PHKB: variants seen among roughly 807,000 people sequenced by gnomAD.
PHKB encodes the protein phosphorylase kinase regulatory subunit beta, also known as phosphorylase b kinase regulatory subunit beta.
PHKB carries 122 observed loss-of-function variants against 152.1 expected under a neutral mutation model. The ratio of observed to expected loss-of-function variants is 0.80; its 90% confidence interval spans 0.69 to 0.93. PHKB has a LOEUF of 0.93. Ranked by LOEUF, PHKB falls within the 40% of genes least tolerant of loss-of-function variation. PHKB has a pLI of 0.00. For missense variants in PHKB, 1,304 were observed against 1,328.4 expected, an observed-to-expected ratio of 0.98 and a Z score of 0.29; for synonymous variants, 436 against 464.9, an observed-to-expected ratio of 0.94 and a Z score of 0.80.
At chr16:47,483,586 T>G (rs911642702) in intron 1 of PHKB, among the ~76,000 whole-genome samples, 6 of 152,248 alleles carry the variant, frequency 3.9e-5, no homozygotes, top group African/African-American at 1.4e-4. Context: ...ATACGTTTAT[T>G]CTAGTGGTGC....
At chr16:47,685,918 T>G (rs1973957489) in intron 26 of PHKB, among the ~76,000 whole-genome samples, 1 of 152,068 alleles carries the variant, frequency 6.6e-6, no homozygotes, top group Non-Finnish European at 1.5e-5. Context: ...ATTTTTTGTA[T>G]TTTTAGTGGA....
intron 20 of PHKB, among the ~76,000 whole-genome samples, chr16:47,658,811 T>G (rs995695067): frequency 1.0e-4 from 13 of 127,642 alleles, no homozygotes; most frequent in African/African-American, 4.3e-4. Context: ...TGCATGACAG[T>G]GTGTGTGTGT....
chr16:47,502,266 A>G (rs891783598), intron 3 of PHKB, among the ~76,000 whole-genome samples: 3 of 152,154 alleles, frequency 2.0e-5, no homozygotes, highest in African/African-American at 7.2e-5. Context: ...ACTGATTTAT[A>G]ATAAAAAGCA....
rs1212781943 is a variant in PHKB at position 47,639,452 on chromosome 16, G to A, written c.1459-1583G>A. On this transcript the variant is annotated intron_variant, in intron 14 of 30. Transcript: ENST00000323584. ...TGGGGCAAAAGGTCCCACTTGGGCT[G>A]GAGTTGTAAGTCCAAGCTCGTTGTG... is the stretch of plus-strand genomic sequence containing the variant. 3.9e-5 allele frequency among the ~76,000 whole-genome samples: 6 copies of A among 152,296 alleles called. No homozygotes were observed. In the East Asian group the frequency reaches 1.2e-3, roughly 29 times the overall value.
rs768125861 is a variant in PHKB, at chr16:47,650,856, G to T, written c.1906G>T (p.Asp636Tyr). ...AGGTAGCCGGTTCAACCCCATATTA[G>T]ATATGCTGGCAGCCCTTAAAAAAGG... ...IRGSRFNPIL[D>Y]MLAALKKGII... The change falls in exon 20 of 31, where the codon GAT becomes TAT. Residue 636 changes from aspartate to tyrosine, a missense_variant. Physicochemically the swap from Asp to Tyr is radical, Grantham distance 160. Transcript: ENST00000323584. 1 of 1,613,440 alleles carries T rather than the reference G, an allele frequency of 6.2e-7. No homozygotes were observed. The highest frequency in any genetic ancestry group is 8.5e-7 in the Non-Finnish European group (1 of 1,179,512).
intron 7 of PHKB, chr16:47,565,690 G>T: frequency 7.2e-7 from 1 of 1,386,278 alleles, no homozygotes; most frequent in Non-Finnish European, 1.0e-6. Context: ...TCTTCACTTT[G>T]CCAGTTTGGG....
At position 47,499,752 on chromosome 16, in the gene PHKB, G is replaced by T; in HGVS notation, c.167-4G>T. On this transcript the variant is annotated splice_polypyrimidine_tract_variant and splice_region_variant and intron_variant, in intron 2 of 30. Coordinates refer to ENST00000323584, the MANE Select transcript of PHKB (RefSeq NM_000293.3). ...TTCATTCTTTGTCTTGTCCTCAATTGCAGTCAAGTCAACATTGCTGCTGTA... is the reference window on the plus strand; with the variant it reads ...TTCATTCTTTGTCTTGTCCTCAATTTCAGTCAAGTCAACATTGCTGCTGTA... The T allele has an allele frequency of 6.2e-7, 1 of 1,614,072 alleles. No individual in the cohort carries two copies. Among genetic ancestry groups the T allele is most frequent in the Admixed American group, 1.7e-5 (1 of 60,016 alleles).
chr16:47,651,121 G>A (rs1186340398), intron 20 of PHKB, among the ~76,000 whole-genome samples, 200 bp downstream of exon 20: 3 of 152,116 alleles, frequency 2.0e-5, no homozygotes, highest in African/African-American at 7.2e-5. Context: ...AATTTCCTGT[G>A]CAGAATTTTA....
At chr16:47,644,089 T>C (rs1240762114) in intron 16 of PHKB, among the ~76,000 whole-genome samples, 1 of 152,098 alleles carries the variant, frequency 6.6e-6, no homozygotes, top group Non-Finnish European at 1.5e-5. Flanking sequence ...GAGAATCCTT[T>C]TACTGTAATA....
intron 28 of PHKB, among the ~76,000 whole-genome samples, chr16:47,694,884 ACATGTAGTATC>A (rs1974121871): frequency 6.6e-6 from 1 of 152,224 alleles, no homozygotes; most frequent in African/African-American, 2.4e-5. Context: ...GGGCCACTTA[ACATGTAGTATC>A]CTTGCTTTGC....
rs963396583 is a variant in PHKB at position 47,570,683 on chromosome 16, A to AT, written c.711-9602dup. ...CTAGAAAATTTCATTCATATCCTGT[A>AT]TTTTTTTTTTATTTCTTTATATTGG... On this transcript the variant is annotated intron_variant, in intron 7 of 30. Coordinates refer to ENST00000323584, the MANE Select transcript of PHKB (RefSeq NM_000293.3). Among the ~76,000 whole-genome samples the AT allele has an allele frequency of 2.3e-3, 335 of 142,586 alleles. 2 individuals carry two copies. Among genetic ancestry groups the AT allele is most frequent in the African/African-American group, 6.1e-3 (237 of 38,662 alleles). The allele number at this position is 142,586 out of a possible 152,430, so 93.5% of individuals were successfully genotyped here. A position where few individuals can be genotyped will look rare whatever the true frequency, so the allele number is the denominator to read the frequency against.
At chr16:47,696,525 C>T in intron 29 of PHKB, 37 bp downstream of exon 29, 1 of 1,099,790 alleles carries the variant, frequency 9.1e-7, no homozygotes, top group Non-Finnish European at 1.4e-6. Context: ...GAATAAATGC[C>T]TTCTCTCTGC....
At chr16:47,570,183 T>C (rs1412812681) in intron 7 of PHKB, among the ~76,000 whole-genome samples, 1 of 152,226 alleles carries the variant, frequency 6.6e-6, no homozygotes, top group Non-Finnish European at 1.5e-5. Flanking sequence ...TATCATTTAT[T>C]TGATGCTTTT....
chr16:47,630,844 G>A (rs576114529), intron 14 of PHKB, among the ~76,000 whole-genome samples: 89 of 152,304 alleles, frequency 5.8e-4, no homozygotes, highest in Non-Finnish European at 9.7e-4. Context: ...GCTGACCCCC[G>A]CTGAGGAAGA....
intron 26 of PHKB, among the ~76,000 whole-genome samples, chr16:47,686,839 A>G (rs1051627688): frequency 6.6e-6 from 1 of 152,230 alleles, no homozygotes; most frequent in Non-Finnish European, 1.5e-5. Flanking sequence ...CTAAAAAAGG[A>G]CATTATCTCA....
At chr16:47,682,616 G>T (rs892381620) in intron 26 of PHKB, among the ~76,000 whole-genome samples, 10 of 152,120 alleles carry the variant, frequency 6.6e-5, no homozygotes, top group African/African-American at 2.2e-4. Context: ...AGCTCCATCA[G>T]GTCCTTTAAG....
intron 10 of PHKB, among the ~76,000 whole-genome samples, chr16:47,591,719 C>G (rs1304104841): frequency 3.9e-5 from 6 of 152,074 alleles, no homozygotes; most frequent in African/African-American, 1.4e-4. Flanking sequence ...GTGCCCACCC[C>G]CTGTATGCAG....
At chr16:47,665,879 C>A in intron 25 of PHKB, 1 of 1,093,178 alleles carries the variant, frequency 9.1e-7, no homozygotes, top group Non-Finnish European at 1.4e-6. Context: ...CCAATCAGGG[C>A]CCCATGCATT....
intron 18 of PHKB, among the ~76,000 whole-genome samples, chr16:47,650,297 T>G (rs570863281): frequency 1.3e-5 from 2 of 152,220 alleles, no homozygotes; most frequent in South Asian, 4.1e-4. Context: ...TTAAAACAAA[T>G]GTAGCGTGAT....
Sources: allele counts gnomAD v4.1 joint callset (sites outside exome capture counted in the v4.1 genomes callset), GRCh38; gene constraint gnomAD v4.1.1; transcripts MANE v1.5; gene names NCBI Gene and HGNC (gene_info 2026-07-23, HGNC 2026-07-21).